The following SNTG1 variants were observed in gnomAD, a reference collection of about 807,000 sequenced individuals.
The protein encoded by SNTG1 is gamma-1-syntrophin.
Under a neutral mutation model 74.7 loss-of-function variants are expected in SNTG1, and 39 were observed. The ratio of observed to expected loss-of-function variants is 0.52; its 90% CI spans 0.40 to 0.68. The LOEUF (loss-of-function observed/expected upper bound fraction) is 0.68. Ranked by LOEUF, SNTG1 falls within the 30% of genes least tolerant of loss-of-function variation. The pLI, the probability that SNTG1 is intolerant of heterozygous loss-of-function variation, is 0.00. For missense variants in SNTG1, 685 were observed against 609.5 expected (o/e 1.12, Z -1.30); for synonymous variants, 254 against 217.1 (o/e 1.17, Z -1.49).
chr8:50,564,836 A>G (rs2094507068), intron 12 of SNTG1, among the ~76,000 whole-genome samples: 1 of 152,112 alleles, frequency 6.6e-6, no homozygotes, highest in East Asian at 1.9e-4. Flanking sequence ...AATCTCCAAT[A>G]AAAATATGCT....
chr8:50,264,597 C>A (rs944001113), intron 2 of SNTG1, among the ~76,000 whole-genome samples: 2 of 148,612 alleles, frequency 1.3e-5, no homozygotes, highest in Non-Finnish European at 3.0e-5. Context: ...AAGAAAGAAA[C>A]CAGAAAAATG....
chr8:50,743,793 C>T (rs1373217903), intron 17 of SNTG1, among the ~76,000 whole-genome samples: 3 of 151,816 alleles, frequency 2.0e-5, no homozygotes, highest in Non-Finnish European at 4.4e-5. Flanking sequence ...TAAAGAAATA[C>T]CTGAGACTGG....
At chr8:50,671,237 A>G (rs1435950743) in intron 15 of SNTG1, among the ~76,000 whole-genome samples, 1 of 151,958 alleles carries the variant, frequency 6.6e-6, no homozygotes, top group Non-Finnish European at 1.5e-5. Flanking sequence ...AAAAGAAACT[A>G]CCATCTGAGT....
At chr8:50,275,690 T>G (rs1447800010) in intron 2 of SNTG1, among the ~76,000 whole-genome samples, 2 of 152,174 alleles carry the variant, frequency 1.3e-5, no homozygotes, top group Non-Finnish European at 2.9e-5. Context: ...CAGGCACCTT[T>G]ACCTTCAAGC....
At position 50,293,250 on chromosome 8, in the gene SNTG1, G is replaced by A. The variant is rs115614532; in HGVS notation, c.-27-100962G>A. 8.5e-3 allele frequency among the ~76,000 whole-genome samples: 1,287 copies of A among 152,158 alleles called. 22 individuals are homozygous for A. The highest frequency in any genetic ancestry group is 0.029 in the African/African-American group (1,220 of 41,502). Reference sequence around the variant, plus strand: ...CTAGAAGTCCAAGACCAAAGTGTTGGCAGGGTTGGTTCCTCCTGAGGCCTC... The same window carrying A: ...CTAGAAGTCCAAGACCAAAGTGTTGACAGGGTTGGTTCCTCCTGAGGCCTC... On this transcript the variant is annotated intron_variant, in intron 2 of 18. Coordinates refer to ENST00000642720, the MANE Select transcript of SNTG1 (RefSeq NM_018967.5).
chr8:50,457,322 ACGCATCCACACTGGCTCAG>A (rs1263950663), intron 8 of SNTG1, among the ~76,000 whole-genome samples: 2 of 152,172 alleles, frequency 1.3e-5, no homozygotes, highest in Non-Finnish European at 2.9e-5. Context: ...GTGGATGACA[ACGCATCCACACTGGCTCAG>A]CGATGGTCAC....
chr8:50,604,254 T>C (rs987353372), intron 13 of SNTG1, among the ~76,000 whole-genome samples: 1 of 151,954 alleles, frequency 6.6e-6, no homozygotes, highest in Non-Finnish European at 1.5e-5. Flanking sequence ...TCATCTGTAC[T>C]TAAAAATACA....
intron 2 of SNTG1, among the ~76,000 whole-genome samples, chr8:50,362,573 G>A (rs776681517): frequency 5.3e-5 from 8 of 151,552 alleles, no homozygotes; most frequent in South Asian, 4.2e-4. Context: ...TTCTTCAGAT[G>A]AGCAAACTAA....
intron 12 of SNTG1, among the ~76,000 whole-genome samples, chr8:50,577,171 T>C (rs1157348): frequency 0.11 from 16,400 of 152,148 alleles, 2,198 homozygotes; most frequent in African/African-American, 0.3. Context: ...ATGTGGAGTG[T>C]GTTTATCATA....
chr8:50,103,758 T>A (rs1441217770), intron 1 of SNTG1, among the ~76,000 whole-genome samples: 1 of 152,058 alleles, frequency 6.6e-6, no homozygotes, highest in African/African-American at 2.4e-5. Flanking sequence ...TTATTGAGAG[T>A]TTTTAGCATG....
At chr8:50,785,764 A>T (rs1016729725) in intron 18 of SNTG1, among the ~76,000 whole-genome samples, 1 of 152,030 alleles carries the variant, frequency 6.6e-6, no homozygotes, top group Non-Finnish European at 1.5e-5. Context: ...AACAATCTTT[A>T]ACAGAAAGCT....
At chr8:50,622,266 A>T (rs1298785575) in intron 13 of SNTG1, among the ~76,000 whole-genome samples, 3 of 152,188 alleles carry the variant, frequency 2.0e-5, no homozygotes, top group Non-Finnish European at 4.4e-5. Flanking sequence ...GGAAAATAAT[A>T]AGTGTTTAGT....
intron 8 of SNTG1, among the ~76,000 whole-genome samples, chr8:50,474,554 G>A (rs562910437): frequency 5.5e-4 from 84 of 152,122 alleles, no homozygotes; most frequent in African/African-American, 2.0e-3. Flanking sequence ...TTAGAATGGC[G>A]ATCATTAAAA....
rs1454350476 is a variant in SNTG1, at chr8:50,438,609, C to G, written c.219+10C>G. 6.2e-7 allele frequency: 1 copy of G among 1,609,966 alleles called. No homozygotes were observed. Among genetic ancestry groups the G allele is most frequent in the East Asian group, 2.2e-5 (1 of 44,744 alleles). ...TGGATTAAGCATAAAGGTAGCCTGC[C>G]TTTCTAGTCTATCCTTACAAAGGCC... On this transcript the variant is annotated intron_variant, in intron 5 of 18. Coordinates refer to ENST00000642720, the MANE Select transcript of SNTG1 (RefSeq NM_018967.5).
intron 1 of SNTG1, among the ~76,000 whole-genome samples, chr8:50,090,247 T>C (rs2131152323): frequency 6.6e-6 from 1 of 152,216 alleles, no homozygotes; most frequent in East Asian, 1.9e-4. Flanking sequence ...CAGTTGTAAA[T>C]TGGCTTAAAT....
chr8:50,395,044 GA>G (rs2092709551), intron 3 of SNTG1, among the ~76,000 whole-genome samples: 1 of 151,922 alleles, frequency 6.6e-6, no homozygotes, highest in Non-Finnish European at 1.5e-5. Context: ...TCAAACTAGG[GA>G]AAGACTTCAG....
intron 2 of SNTG1, among the ~76,000 whole-genome samples, chr8:50,214,311 TG>T (rs1314192817): frequency 6.7e-6 from 1 of 149,774 alleles, no homozygotes; most frequent in Non-Finnish European, 1.5e-5. Context: ...TAATGCTAAA[TG>T]ACGAGTTAAT....
intron 4 of SNTG1, among the ~76,000 whole-genome samples, chr8:50,425,388 C>T (rs574377806): frequency 3.9e-5 from 6 of 152,140 alleles, no homozygotes; most frequent in South Asian, 4.2e-4. Context: ...GAATTGCACA[C>T]GCCAGGGATC....
intron 5 of SNTG1, among the ~76,000 whole-genome samples, chr8:50,448,898 C>T (rs1286894648): frequency 7.2e-5 from 6 of 83,326 alleles, no homozygotes; most frequent in African/African-American, 7.9e-5. Flanking sequence ...CTGGGCATGG[C>T]GCACCTGTAG....
Sources: allele counts gnomAD v4.1 joint callset (sites outside exome capture counted in the v4.1 genomes callset), GRCh38; gene constraint gnomAD v4.1.1; transcripts MANE v1.5; gene names NCBI Gene and HGNC (gene_info 2026-07-23, HGNC 2026-07-21).